Variants in DPF3 observed in about 807,000 individuals in gnomAD.
DPF3 encodes zinc finger protein DPF3.
DPF3 carries 18 observed loss-of-function variants against 56.8 expected under a neutral mutation model. That is an observed-to-expected ratio of 0.32 (90% confidence interval 0.22 to 0.47). The LOEUF (loss-of-function observed/expected upper bound fraction) is 0.47, where lower values mean the gene tolerates loss of function less well. Ranked by LOEUF, DPF3 falls within the 20% of genes least tolerant of loss-of-function variation. The pLI, the probability that DPF3 is intolerant of heterozygous loss-of-function variation, is 1.00. For synonymous variants in DPF3, 188 were observed against 180.2 expected, an observed-to-expected ratio of 1.04 and a Z score of -0.35; for missense variants, 403 against 488.8, an observed-to-expected ratio of 0.82 and a Z score of 1.65.
intron 1 of DPF3, among the ~76,000 whole-genome samples, chr14:72,802,054 G>A (rs897398504): frequency 6.6e-6 from 1 of 152,186 alleles, no homozygotes; most frequent in East Asian, 1.9e-4. Flanking sequence ...AATTCCTGCT[G>A]AGTAGCAAAG....
chr14:72,804,303 T>G (rs1893004648), intron 1 of DPF3, among the ~76,000 whole-genome samples: 1 of 151,968 alleles, frequency 6.6e-6, no homozygotes, highest in Non-Finnish European at 1.5e-5. Flanking sequence ...TGACAGTGCT[T>G]CTTTGTGGAA....
intron 1 of DPF3, among the ~76,000 whole-genome samples, chr14:72,786,417 C>T (rs922553235): frequency 1.3e-5 from 2 of 152,178 alleles, no homozygotes; most frequent in Non-Finnish European, 2.9e-5. Flanking sequence ...TACAGCCCCT[C>T]GGCCAAACAT....
chr14:72,680,190 T>C (rs1455447191), intron 7 of DPF3, among the ~76,000 whole-genome samples: 3 of 152,182 alleles, frequency 2.0e-5, no homozygotes, highest in Non-Finnish European at 4.4e-5. Flanking sequence ...GCCTTAATTC[T>C]CATGCTCCCA....
intron 1 of DPF3, among the ~76,000 whole-genome samples, chr14:72,805,063 C>CACACACACACACACACACACACACACAA: frequency 6.6e-6 from 1 of 151,474 alleles, no homozygotes; most frequent in Admixed American, 6.6e-5. Flanking sequence ...CACACACACA[C>CACACACACACACACACACACACACACAA]ACACAAACAC....
At chr14:72,878,765 G>A (rs139239989) in intron 1 of DPF3, among the ~76,000 whole-genome samples, 53 of 152,286 alleles carry the variant, frequency 3.5e-4, no homozygotes, top group Middle Eastern at 3.4e-3. Flanking sequence ...AAGACCAAAG[G>A]GAGAAAGCCA....
intron 1 of DPF3, among the ~76,000 whole-genome samples, chr14:72,772,807 G>T (rs1044114852): frequency 5.9e-5 from 9 of 152,156 alleles, no homozygotes; most frequent in Non-Finnish European, 1.2e-4. Context: ...ATAGGCACAG[G>T]TTAATAAATG....
intron 4 of DPF3, among the ~76,000 whole-genome samples, chr14:72,729,950 C>G (rs184193407): frequency 2.6e-4 from 39 of 152,222 alleles, no homozygotes; most frequent in South Asian, 8.3e-4. Context: ...GTCAGTGCAG[C>G]TCATCTATTA....
chr14:72,622,434 A>G (rs188597366), intron 9 of DPF3, among the ~76,000 whole-genome samples: 2 of 152,316 alleles, frequency 1.3e-5, no homozygotes, highest in East Asian at 3.9e-4. Flanking sequence ...TAGGGATAAT[A>G]CAAGGAGAAA....
intron 1 of DPF3, among the ~76,000 whole-genome samples, chr14:72,864,143 C>G (rs1314937987): frequency 6.6e-6 from 1 of 151,672 alleles, no homozygotes; most frequent in Non-Finnish European, 1.5e-5. Context: ...ATCCCACCCA[C>G]CCCCATACAC....
intron 8 of DPF3, among the ~76,000 whole-genome samples, chr14:72,640,179 A>G (rs2153567749): frequency 6.6e-6 from 1 of 152,104 alleles, no homozygotes; most frequent in Middle Eastern, 3.4e-3. Context: ...GGAAAAGAGG[A>G]ATTGCAGGAG....
intron 3 of DPF3, among the ~76,000 whole-genome samples, chr14:72,751,044 G>T (rs1002052119): frequency 5.5e-4 from 84 of 151,982 alleles, no homozygotes; most frequent in African/African-American, 1.9e-3. Flanking sequence ...GACAAAATTA[G>T]CCAGACATGG....
intron 6 of DPF3, among the ~76,000 whole-genome samples, chr14:72,699,517 C>CA (rs35540991): frequency 0.071 from 4,254 of 59,724 alleles, 109 homozygotes; most frequent in Middle Eastern, 0.11. Context: ...GATTCTGTCT[C>CA]AAAAAAAAAA....
intron 4 of DPF3, among the ~76,000 whole-genome samples, chr14:72,727,285 T>C (rs764253578): frequency 1.2e-4 from 19 of 152,162 alleles, no homozygotes; most frequent in Non-Finnish European, 2.5e-4. Context: ...TGAGGTTAAA[T>C]CCCTCAACTC....
chr14:72,859,118 T>C (rs1359800206), intron 1 of DPF3, among the ~76,000 whole-genome samples: 1 of 152,120 alleles, frequency 6.6e-6, no homozygotes, highest in Non-Finnish European at 1.5e-5. Context: ...ACTGAAATAA[T>C]TTACAGATAA....
intron 2 of DPF3, among the ~76,000 whole-genome samples, chr14:72,767,131 CATCT>C (rs1220934169): frequency 6.6e-6 from 1 of 152,212 alleles, no homozygotes; most frequent in African/African-American, 2.4e-5. Context: ...TTTCCACATC[CATCT>C]GACAGTAATA....
intron 1 of DPF3, among the ~76,000 whole-genome samples, chr14:72,798,254 C>CAAAAAAAA (rs35648169): frequency 5.6e-5 from 3 of 53,946 alleles, no homozygotes; most frequent in Non-Finnish European, 7.1e-5. Context: ...GCCTTCATCT[C>CAAAAAAAA]AAAAAAAAAA....
chr14:72,768,953 G>T (rs1473591972), intron 2 of DPF3, among the ~76,000 whole-genome samples: 1 of 151,804 alleles, frequency 6.6e-6, no homozygotes, highest in Non-Finnish European at 1.5e-5. Flanking sequence ...GTGTGTGTGT[G>T]TGTGTGTGTG....
At chr14:72,630,263 C>G (rs1462540036) in intron 8 of DPF3, among the ~76,000 whole-genome samples, 1 of 152,124 alleles carries the variant, frequency 6.6e-6, no homozygotes, top group Non-Finnish European at 1.5e-5. Context: ...GCACTGTTAC[C>G]TAAAGTATCC....
intron 1 of DPF3, among the ~76,000 whole-genome samples, chr14:72,852,647 T>C (rs957813229): frequency 6.6e-6 from 1 of 152,254 alleles, no homozygotes; most frequent in Non-Finnish European, 1.5e-5. Context: ...ACCTTTAATA[T>C]TGTGCTCTGA....
Sources: allele counts gnomAD v4.1 joint callset (sites outside exome capture counted in the v4.1 genomes callset), GRCh38; gene constraint gnomAD v4.1.1; transcripts MANE v1.5; gene names NCBI Gene and HGNC (gene_info 2026-07-23, HGNC 2026-07-21).